PCGF5: variants seen among roughly 807,000 people sequenced by gnomAD.
The protein encoded by PCGF5 is polycomb group ring finger 5.
In PCGF5, 9 loss-of-function variants were observed where a neutral mutation model predicts 44.3. That is an observed-to-expected ratio of 0.20 (90% confidence interval 0.12 to 0.35). PCGF5 has a LOEUF of 0.35. Among genes scored for constraint, PCGF5 ranks in the 10% least tolerant of loss-of-function variants. The pLI, the probability that PCGF5 is intolerant of heterozygous loss-of-function variation, is 1.00. For missense variants in PCGF5, 146 were observed against 305.3 expected, an observed-to-expected ratio of 0.48 and a Z score of 3.89; for synonymous variants, 95 against 102.5, an observed-to-expected ratio of 0.93 and a Z score of 0.44.
chr10:91,173,595 T>TTTTTTTTTTTTTTTTTTC lies in PCGF5; in HGVS notation c.-184+10514_-184+10515insTTTTTTTTTTTTTTTTTC, dbSNP rs71025342. On this transcript the variant is annotated intron_variant, in intron 1 of 9. Transcript: ENST00000614189. ...GGAGTTGGCTTTTTTTTTTTTTTTT[T>TTTTTTTTTTTTTTTTTTC]CCCACAGAAGCCATGAGTAGTAGCA... Among the ~76,000 whole-genome samples the TTTTTTTTTTTTTTTTTTC allele has an allele frequency of 2.1e-5, 3 of 140,842 alleles. No homozygotes were observed. In the Admixed American group the frequency reaches 2.2e-4, roughly 10 times the overall value. The allele number at this position is 140,842 out of a possible 152,430, so 92.4% of individuals were successfully genotyped here.
chr10:91,195,733 C>T (rs1844122394), intron 1 of PCGF5, among the ~76,000 whole-genome samples: 1 of 151,836 alleles, frequency 6.6e-6, no homozygotes, highest in Non-Finnish European at 1.5e-5. Context: ...CCATGCCTGG[C>T]CTAAATCATA....
At chr10:91,260,199 C>A (rs1845863009) in intron 6 of PCGF5, among the ~76,000 whole-genome samples, 1 of 149,286 alleles carries the variant, frequency 6.7e-6, no homozygotes, top group Admixed American at 6.6e-5. Flanking sequence ...AGCCAACAGA[C>A]ATGTGAAAAA....
chr10:91,242,087 C>T (rs1289778410), intron 3 of PCGF5, among the ~76,000 whole-genome samples: 2 of 151,492 alleles, frequency 1.3e-5, no homozygotes, highest in Non-Finnish European at 2.9e-5. Flanking sequence ...ATATCAGTGC[C>T]TCTCAACCAG....
intron 1 of PCGF5, among the ~76,000 whole-genome samples, chr10:91,176,498 C>T (rs1034057390): frequency 1.3e-5 from 2 of 152,246 alleles, no homozygotes; most frequent in African/African-American, 4.8e-5. Context: ...TAATATCCTG[C>T]AGAGTGTTTT....
At chr10:91,166,244 A>C (rs893715802) in intron 1 of PCGF5, among the ~76,000 whole-genome samples, 1 of 152,238 alleles carries the variant, frequency 6.6e-6, no homozygotes, top group African/African-American at 2.4e-5. Context: ...TTCTATCATT[A>C]GTTGATTGTC....
At chr10:91,186,474 T>C (rs1469861646) in intron 1 of PCGF5, among the ~76,000 whole-genome samples, 2 of 152,162 alleles carry the variant, frequency 1.3e-5, no homozygotes, top group Non-Finnish European at 2.9e-5. Flanking sequence ...GAAAGAAATG[T>C]TTATTGTGTA....
At chr10:91,191,371 A>G (rs1194075642) in intron 1 of PCGF5, among the ~76,000 whole-genome samples, 2 of 152,212 alleles carry the variant, frequency 1.3e-5, no homozygotes, top group African/African-American at 4.8e-5. Context: ...GGTACACTGG[A>G]CAAAGGGATG....
At chr10:91,170,932 G>C (rs117610098) in intron 1 of PCGF5, among the ~76,000 whole-genome samples, 1 of 152,308 alleles carries the variant, frequency 6.6e-6, no homozygotes, top group Non-Finnish European at 1.5e-5. Context: ...TAGCTATCAA[G>C]CCATGAAAAG....
chr10:91,207,014 G>C (rs1357016423), intron 1 of PCGF5, among the ~76,000 whole-genome samples: 1 of 152,136 alleles, frequency 6.6e-6, no homozygotes, highest in Non-Finnish European at 1.5e-5. Flanking sequence ...TGCAAGGTCC[G>C]TGAGAACAGG....
intron 2 of PCGF5, among the ~76,000 whole-genome samples, chr10:91,232,584 T>C (rs1845039915): frequency 1.3e-5 from 2 of 152,130 alleles, no homozygotes; most frequent in Admixed American, 6.5e-5. Context: ...AAGGGACAAT[T>C]ACTTGATCAG....
intron 2 of PCGF5, among the ~76,000 whole-genome samples, chr10:91,233,320 A>G (rs1845061606): frequency 6.6e-6 from 1 of 152,140 alleles, no homozygotes; most frequent in African/African-American, 2.4e-5. Flanking sequence ...TGCTCAGTCT[A>G]AGATCCCCAG....
chr10:91,230,266 A>G (rs887971147), intron 2 of PCGF5, among the ~76,000 whole-genome samples: 54 of 152,342 alleles, frequency 3.5e-4, no homozygotes, highest in African/African-American at 1.3e-3. Flanking sequence ...AAAAGTGTGT[A>G]ACCTAAACTA....
intron 6 of PCGF5, among the ~76,000 whole-genome samples, chr10:91,257,926 T>G (rs1328129968): frequency 6.6e-6 from 1 of 152,040 alleles, no homozygotes; most frequent in Non-Finnish European, 1.5e-5. Context: ...AGCTGATGAA[T>G]GGAAAAGCAG....
intron 8 of PCGF5, among the ~76,000 whole-genome samples, chr10:91,270,288 C>T (rs1445653672): frequency 6.6e-6 from 1 of 152,066 alleles, no homozygotes; most frequent in African/African-American, 2.4e-5. Context: ...AGTTACTACA[C>T]CATGCTTGTC....
rs186423585 is a variant in PCGF5, at chr10:91,211,868, G to A, written c.-183-10821G>A. ...GGTTATAGAGCTTATCTGGAACCAG[G>A]CCCCAGAGGTGTTGCAGTGCTGCAG... On this transcript the variant is annotated intron_variant, in intron 1 of 9. Transcript: ENST00000614189. Among the ~76,000 whole-genome samples, 143 of 152,208 alleles carry A rather than the reference G, an allele frequency of 9.4e-4. 2 individuals carry two copies. The highest frequency in any genetic ancestry group is 3.4e-3 in the African/African-American group (141 of 41,520).
intron 1 of PCGF5, among the ~76,000 whole-genome samples, chr10:91,201,176 A>T (rs1290635952): frequency 2.0e-5 from 3 of 152,160 alleles, no homozygotes; most frequent in African/African-American, 7.2e-5. Context: ...AAGGAAAGAA[A>T]TGTATTGCTT....
chr10:91,248,413 G>A, intron 3 of PCGF5, 92 bp from the exon 4 acceptor site: 1 of 1,152,284 alleles, frequency 8.7e-7, no homozygotes. Flanking sequence ...TATGTATTTT[G>A]TAACATGTAT....
intron 2 of PCGF5, among the ~76,000 whole-genome samples, chr10:91,232,898 A>ATTCACT (rs1845049632): frequency 6.6e-6 from 1 of 152,200 alleles, no homozygotes; most frequent in African/African-American, 2.4e-5. Context: ...AGCCTGGCAG[A>ATTCACT]TGAAGGATTC....
At chr10:91,186,062 A>C (rs1843917348) in intron 1 of PCGF5, among the ~76,000 whole-genome samples, 1 of 152,234 alleles carries the variant, frequency 6.6e-6, no homozygotes. Flanking sequence ...TGTTTTGCAG[A>C]CAGTAGTTAA....
Sources: allele counts gnomAD v4.1 joint callset (sites outside exome capture counted in the v4.1 genomes callset), GRCh38; gene constraint gnomAD v4.1.1; transcripts MANE v1.5; gene names NCBI Gene and HGNC (gene_info 2026-07-23, HGNC 2026-07-21).